SPPL2B: variants seen among roughly 807,000 people sequenced by gnomAD.
SPPL2B encodes signal peptide peptidase like 2B, also known as signal peptide peptidase-like 2B.
A neutral mutation model predicts 59.7 loss-of-function variants in SPPL2B; 39 were observed. The observed-to-expected ratio is 0.65, with a 90% confidence interval of 0.51 to 0.85. SPPL2B has a LOEUF of 0.85. SPPL2B is among the 40% of genes least tolerant of loss of function. The pLI, the probability that SPPL2B is intolerant of heterozygous loss-of-function variation, is 0.00. For missense variants in SPPL2B, 865 were observed against 849.0 expected, an observed-to-expected ratio of 1.02 and a Z score of -0.23; for synonymous variants, 419 against 370.8, an observed-to-expected ratio of 1.13 and a Z score of -1.49.
intron 14 of SPPL2B, among the ~76,000 whole-genome samples, chr19:2,352,648 G>A (rs549894615): frequency 5.2e-4 from 79 of 152,212 alleles, no homozygotes; most frequent in African/African-American, 1.5e-3. Context: ...AGGAGAAGCC[G>A]GGGACCAGGC....
intron 7 of SPPL2B, chr19:2,340,386 G>T (rs1450877044): frequency 1.6e-6 from 1 of 607,822 alleles, no homozygotes; most frequent in Non-Finnish European, 2.9e-6. Flanking sequence ...CAGGGGTGGC[G>T]GGGGGAGGGT....
rs1968460704 is a variant in SPPL2B, at chr19:2,334,704, CACG to C, written c.172_174del (p.Asp58del). 6.2e-7 allele frequency: 1 copy of C among 1,609,174 alleles called. No homozygotes were observed. The highest frequency in any genetic ancestry group is 1.3e-5 in the African/African-American group (1 of 74,782). The stretch of plus-strand genomic sequence containing the variant: ...CAACCCGCAGTGGGCCCATCTTCCG[CACG>C]ACCTCAGCAAGGCAGTGAGTACCCG... On this transcript the variant is annotated inframe_deletion, in exon 2 of 15. Coordinates refer to ENST00000613503, the MANE Select transcript of SPPL2B (RefSeq NM_152988.3).
intron 1 of SPPL2B, among the ~76,000 whole-genome samples, chr19:2,331,815 G>T (rs1325390238): frequency 6.6e-6 from 1 of 152,238 alleles, no homozygotes; most frequent in Non-Finnish European, 1.5e-5. Context: ...CTCTGGTTTG[G>T]TTGCTTGGTT....
Position 2,344,573 on chromosome 19 carries a change from G to T in SPPL2B, c.1197G>T (p.Val399=), listed in dbSNP as rs780917583. ...TGCAGCTGCCCATGGTCCTGAAGGT[G>T]CCCAGGCTGAACTCCTCACCTCTGG... The part of the protein sequence containing the change: ...TREKLPMVLK[V]PRLNSSPLAL... The change falls in exon 12 of 15, where the codon GTG becomes GTT. Residue 399 remains valine, a synonymous_variant. Coordinates refer to ENST00000613503, the MANE Select transcript of SPPL2B (RefSeq NM_152988.3). The T allele has an allele frequency of 6.2e-7, 1 of 1,613,116 alleles. No individual in the cohort carries two copies. Among genetic ancestry groups the T allele is most frequent in the South Asian group, 1.1e-5 (1 of 91,012 alleles).
At position 2,344,333 on chromosome 19, in the gene SPPL2B, G is replaced by A. The variant is rs771959656; in HGVS notation, c.1114-29G>A. On this transcript the variant is annotated intron_variant, in intron 10 of 14. Coordinates refer to ENST00000613503, the MANE Select transcript of SPPL2B (RefSeq NM_152988.3). ...CCCTGCCCCCCCACCCCATCACCACGCTCCCTCACTCAACCCCATTCTGTG... is the reference window on the plus strand; with the variant it reads ...CCCTGCCCCCCCACCCCATCACCACACTCCCTCACTCAACCCCATTCTGTG... 28 of 282,606 alleles carry A rather than the reference G, an allele frequency of 9.9e-5. 1 individual carries two copies. The highest frequency in any genetic ancestry group is 4.2e-4 in the Middle Eastern group (1 of 2,382). 17.5% of individuals were successfully genotyped at this position (282,606 alleles called of 1,614,324 possible).
intron 1 of SPPL2B, among the ~76,000 whole-genome samples, chr19:2,334,309 G>A (rs1385317650): frequency 6.6e-6 from 1 of 152,180 alleles, no homozygotes; most frequent in Non-Finnish European, 1.5e-5. Flanking sequence ...GAGGTGGTGC[G>A]ATCCCTGTTT....
chr19:2,337,437 T>C lies in SPPL2B; in HGVS notation c.187-6T>C, dbSNP rs1015786883. ...GTGAGACAACACTGTGCCCTGGCCT[T>C]TCCAGTCTTTCCTGCAGCTGCGCAA... On this transcript the variant is annotated splice_polypyrimidine_tract_variant and splice_region_variant and intron_variant, in intron 2 of 14. Coordinates refer to ENST00000613503, the MANE Select transcript of SPPL2B (RefSeq NM_152988.3). 2.5e-6 allele frequency: 4 copies of C among 1,593,742 alleles called. No individual in the cohort carries two copies. Among genetic ancestry groups the C allele is most frequent in the Admixed American group, 1.7e-5 (1 of 58,360 alleles).
intron 1 of SPPL2B, chr19:2,330,571 A>C (rs77606905): frequency 0.13 from 19,263 of 152,182 alleles, 1,404 homozygotes; most frequent in African/African-American, 0.18. Context: ...GCTGGAGTGT[A>C]GGGTGGAATA....
Position 2,334,620 on chromosome 19 carries a change from ATGGTGCACG to A in SPPL2B, c.90_98del (p.His31_Val33del). Reference sequence around the variant, plus strand: ...CCTGCAGGTGGCCTGTGAGTACGGCATGGTGCACGTGGTCTCCCAGGCCGGGGGCCCCGA... The same window carrying A: ...CCTGCAGGTGGCCTGTGAGTACGGCATGGTCTCCCAGGCCGGGGGCCCCGA... On this transcript the variant is annotated inframe_deletion, in exon 2 of 15. Coordinates refer to ENST00000613503, the MANE Select transcript of SPPL2B (RefSeq NM_152988.3). 1 of 1,612,624 alleles carries A rather than the reference ATGGTGCACG, an allele frequency of 6.2e-7. No homozygotes were observed. The highest frequency in any genetic ancestry group is 1.7e-5 in the Admixed American group (1 of 59,906).
At chr19:2,350,928 C>A (rs111418527) in intron 13 of SPPL2B, among the ~76,000 whole-genome samples, 1 of 152,226 alleles carries the variant, frequency 6.6e-6, no homozygotes, top group African/African-American at 2.4e-5. Flanking sequence ...ACTGGGGGCA[C>A]GGCCCCGGTG....
intron 2 of SPPL2B, 120 bp downstream of exon 2, chr19:2,334,841 GTC>G: frequency 7.6e-7 from 1 of 1,313,180 alleles, no homozygotes; most frequent in Non-Finnish European, 1.0e-6. Context: ...CCCTGACCAG[GTC>G]TGGGGGACTC....
intron 14 of SPPL2B, 120 bp from the exon 15 acceptor site, chr19:2,352,826 G>A (rs1441264813): frequency 6.3e-6 from 7 of 1,115,264 alleles, no homozygotes; most frequent in South Asian, 3.1e-5. Flanking sequence ...GAGCCCCTGG[G>A]GATGGCGCCT....
chr19:2,351,566 G>A lies in SPPL2B; in HGVS notation c.1487G>A (p.Gly496Asp). The A allele has an allele frequency of 6.2e-7, 1 of 1,611,272 alleles. No individual in the cohort carries two copies. The highest frequency in any genetic ancestry group is 8.5e-7 in the Non-Finnish European group (1 of 1,179,196). Reference sequence around the variant, plus strand: ...GTGGCGCTCTGGCGCCGGGAGCTGGGCGTGTTCTGGACGGGCAGCGGCTTT... The same window carrying A: ...GTGGCGCTCTGGCGCCGGGAGCTGGACGTGTTCTGGACGGGCAGCGGCTTT... ...CAVALWRREL[G>D]VFWTGSGFAK... is the part of the protein sequence containing the mutation. Residue 496 changes from glycine to aspartate, a missense_variant, in exon 14 of 15, where the codon GGC (glycine) becomes GAC (aspartate). Coordinates refer to ENST00000613503, the MANE Select transcript of SPPL2B (RefSeq NM_152988.3).
chr19:2,334,027 G>C (rs1455603665), intron 1 of SPPL2B, among the ~76,000 whole-genome samples: 1 of 152,246 alleles, frequency 6.6e-6, no homozygotes, highest in Non-Finnish European at 1.5e-5. Context: ...GCTGAGGGGT[G>C]CTGATCTGGG....
intron 2 of SPPL2B, among the ~76,000 whole-genome samples, chr19:2,336,914 T>C (rs1000651095): frequency 1.4e-5 from 2 of 147,464 alleles, no homozygotes; most frequent in East Asian, 2.0e-4. Flanking sequence ...TGTGTGTGTG[T>C]GCATGTATGC....
rs750868470 is a variant in SPPL2B at position 2,337,633 on chromosome 19, C to A, written c.369+8C>A. 1 of 1,547,400 alleles carries A rather than the reference C, an allele frequency of 6.5e-7. No individual in the cohort carries two copies. Among genetic ancestry groups the A allele is most frequent in the Non-Finnish European group, 8.7e-7 (1 of 1,145,456 alleles). On this transcript the variant is annotated splice_region_variant and intron_variant, in intron 3 of 14. Coordinates refer to ENST00000613503, the MANE Select transcript of SPPL2B (RefSeq NM_152988.3). Reference sequence around the variant, plus strand: ...GTCAGCAGGGAGAGGCTGGTACGGCCCTGTGCGTCCCCCGCTGGGCCAGCT... The same window carrying A: ...GTCAGCAGGGAGAGGCTGGTACGGCACTGTGCGTCCCCCGCTGGGCCAGCT...
At position 2,332,111 on chromosome 19, in the gene SPPL2B, G is replaced by T. The variant is rs758453756; in HGVS notation, c.67-2491G>T. Among the ~76,000 whole-genome samples the T allele has an allele frequency of 5.9e-5, 9 of 152,250 alleles. No individual in the cohort carries two copies. The highest frequency in any genetic ancestry group is 1.2e-4 in the Non-Finnish European group (8 of 68,044). ...CTCCTGACTCTGCCTGGGCTCTGGG[G>T]GAGGTCACATGGGAGGTGCTTGGAG... On this transcript the variant is annotated intron_variant, in intron 1 of 14. Transcript: ENST00000613503. The surrounding 1 kb of genome is among the most constrained non-coding windows in gnomAD (Gnocchi z 4.6).
rs1169305368 is a variant in SPPL2B at position 2,340,432 on chromosome 19, GCCGAACCCTGGGTT to G, written c.839+263_839+276del. ...CCAGGAACCCTGCCCCAGGTCGCAG[GCCGAACCCTGGGTT>G]CCCCAGGGTTCTCCGGGGAACCCAG... On this transcript the variant is annotated intron_variant, in intron 7 of 14. Coordinates refer to ENST00000613503, the MANE Select transcript of SPPL2B (RefSeq NM_152988.3). 3 of 636,610 alleles carry G rather than the reference GCCGAACCCTGGGTT, an allele frequency of 4.7e-6. No homozygotes were observed. In the African/African-American group the frequency reaches 5.6e-5, roughly 12 times the overall value. 39.4% of individuals were successfully genotyped at this position (636,610 alleles called of 1,614,324 possible). A position where few individuals can be genotyped will look rare whatever the true frequency, so the allele number is the denominator to read the frequency against.
intron 2 of SPPL2B, among the ~76,000 whole-genome samples, chr19:2,335,276 T>C (rs1306021456): frequency 7.1e-6 from 1 of 141,174 alleles, no homozygotes; most frequent in Non-Finnish European, 1.5e-5. Context: ...CCGCCTCCTT[T>C]CCCACTGCAT....
Sources: gnomAD v4.1 joint callset for allele counts (sites outside exome capture counted in the v4.1 genomes callset) on GRCh38, gnomAD v4.1.1 for gene constraint, Gnocchi (gnomAD v3.1) non-coding constraint, MANE v1.5 for transcripts, NCBI Gene and HGNC (gene_info 2026-07-23, HGNC 2026-07-21) for gene names.